MYO9A: variants seen among roughly 807,000 people sequenced by gnomAD.
MYO9A encodes myosin IXA, also known as unconventional myosin-IXa.
A neutral mutation model predicts 293.3 loss-of-function variants in MYO9A; 103 were observed. The observed-to-expected ratio is 0.35, with a 90% confidence interval of 0.30 to 0.41. MYO9A has a LOEUF of 0.41. Among genes scored for constraint, MYO9A ranks in the 10% least tolerant of loss-of-function variants. MYO9A has a pLI of 1.00. For synonymous variants in MYO9A, 1,001 were observed against 1,035.7 expected (o/e 0.97, Z 0.64); for missense variants, 2,685 against 3,033.0 (o/e 0.89, Z 2.69).
chr15:71,998,727 G>C (rs2929524), intron 9 of MYO9A, among the ~76,000 whole-genome samples: 139,886 of 151,510 alleles, frequency 0.92, 64,985 homozygotes, highest in Non-Finnish European at 0.97. Context: ...ATCCCTCCCC[G>C]CTTCCCCCAC....
At chr15:72,025,161 C>G (rs2077624422) in intron 4 of MYO9A, among the ~76,000 whole-genome samples, 1 of 151,934 alleles carries the variant, frequency 6.6e-6, no homozygotes, top group South Asian at 2.1e-4. Context: ...CAAGCAATAT[C>G]CAAAAGCAAG....
intron 18 of MYO9A, among the ~76,000 whole-genome samples, chr15:71,927,182 T>C (rs2058335190): frequency 6.6e-6 from 1 of 152,208 alleles, no homozygotes; most frequent in African/African-American, 2.4e-5. Context: ...AAAATGTCTT[T>C]TGGCTATTTT....
chr15:71,878,030 T>C lies in MYO9A; in HGVS notation c.5931+10A>G. 1 of 1,564,782 alleles carries C rather than the reference T, an allele frequency of 6.4e-7. No homozygotes were observed. The highest frequency in any genetic ancestry group is 8.6e-7 in the Non-Finnish European group (1 of 1,158,218). On this transcript the variant is annotated intron_variant, in intron 31 of 41. Coordinates refer to ENST00000356056, the MANE Select transcript of MYO9A (RefSeq NM_006901.4). Reference sequence around the variant, plus strand: ...AAATCCTTTAAGTAATCAAAATATATCACATTTACCTTTGTGGCTGTGCAA... The same window carrying C: ...AAATCCTTTAAGTAATCAAAATATACCACATTTACCTTTGTGGCTGTGCAA...
chr15:71,949,348 C>T (rs1480348991), intron 15 of MYO9A, among the ~76,000 whole-genome samples: 3 of 151,778 alleles, frequency 2.0e-5, no homozygotes, highest in African/African-American at 7.3e-5. Flanking sequence ...GGATTACAGG[C>T]GTGCACCACC....
chr15:72,008,489 G>GGTGT (rs111259580), intron 7 of MYO9A, among the ~76,000 whole-genome samples: 20 of 139,988 alleles, frequency 1.4e-4, no homozygotes, highest in Non-Finnish European at 2.3e-4. Context: ...GGGGTAAATG[G>GGTGT]GTGTGTGTGT....
intron 11 of MYO9A, 88 bp downstream of exon 11, chr15:71,991,015 T>C (rs2076530583): frequency 2.5e-6 from 3 of 1,202,312 alleles, no homozygotes; most frequent in Admixed American, 3.2e-5. Context: ...ATCAATAAAA[T>C]GTGTGAAAAA....
intron 26 of MYO9A, chr15:71,892,256 G>A (rs949975761): frequency 2.0e-5 from 3 of 152,182 alleles, no homozygotes; most frequent in African/African-American, 7.2e-5. Flanking sequence ...GTTATATTGT[G>A]TGATTAATAC....
intron 1 of MYO9A, among the ~76,000 whole-genome samples, chr15:72,076,888 A>G (rs1398620816): frequency 6.6e-6 from 1 of 152,232 alleles, no homozygotes; most frequent in Non-Finnish European, 1.5e-5. Context: ...AAACAGATCA[A>G]TGAAACAGAA....
At chr15:71,925,446 T>G (rs148270625) in intron 18 of MYO9A, among the ~76,000 whole-genome samples, 127 of 151,838 alleles carry the variant, frequency 8.4e-4, no homozygotes, top group African/African-American at 2.9e-3. Flanking sequence ...CGTATATACA[T>G]GTATATCTAT....
At chr15:72,087,253 T>C (rs754723120) in intron 1 of MYO9A, among the ~76,000 whole-genome samples, 3 of 152,108 alleles carry the variant, frequency 2.0e-5, no homozygotes, top group Non-Finnish European at 4.4e-5. Context: ...CCCTGCAGAG[T>C]TCAGGTCTGA....
intron 1 of MYO9A, among the ~76,000 whole-genome samples, chr15:72,066,838 T>C (rs2079037072): frequency 6.6e-6 from 1 of 151,016 alleles, no homozygotes; most frequent in Non-Finnish European, 1.5e-5. Context: ...GCACCATTGC[T>C]CTCCAGCCTG....
chr15:71,861,536 G>A (rs1392601840), intron 33 of MYO9A, among the ~76,000 whole-genome samples: 1 of 147,858 alleles, frequency 6.8e-6, no homozygotes, highest in Non-Finnish European at 1.5e-5. Context: ...AAGGATTACA[G>A]TAGAAAAAGT....
At chr15:72,093,388 T>C (rs1298725408) in intron 1 of MYO9A, among the ~76,000 whole-genome samples, 1 of 151,114 alleles carries the variant, frequency 6.6e-6, no homozygotes, top group Non-Finnish European at 1.5e-5. Context: ...AAATAAAAAA[T>C]AGCTGGGTGT....
chr15:71,836,375 C>T (rs1368838719), intron 39 of MYO9A, among the ~76,000 whole-genome samples: 1 of 152,016 alleles, frequency 6.6e-6, no homozygotes, highest in African/African-American at 2.4e-5. Flanking sequence ...AAAAGAAGTG[C>T]TGGAAGGAGG....
intron 1 of MYO9A, among the ~76,000 whole-genome samples, chr15:72,096,929 G>A (rs2080082821): frequency 6.6e-6 from 1 of 152,166 alleles, no homozygotes; most frequent in Non-Finnish European, 1.5e-5. Context: ...CTAAAGATAT[G>A]ACTGAACTGC....
intron 18 of MYO9A, among the ~76,000 whole-genome samples, chr15:71,925,975 T>C (rs1477738716): frequency 6.6e-6 from 1 of 152,184 alleles, no homozygotes; most frequent in African/African-American, 2.4e-5. Context: ...TATTGACCTG[T>C]GCCATTAGGT....
chr15:71,924,871 G>A (rs1391145155), intron 18 of MYO9A, among the ~76,000 whole-genome samples: 1 of 151,602 alleles, frequency 6.6e-6, no homozygotes, highest in African/African-American at 2.4e-5. Context: ...AGCAAGCCGA[G>A]ATCGTGTCAC....
In MYO9A at chr15:71,825,974, A is replaced by G. The variant is rs2054467457; in HGVS notation, c.*606T>C. ...GAGACACGCTCTGATGGCTTAATGGAAACAATCACGGTTTTTTTTTGTTTT... is the reference window on the plus strand; with the variant it reads ...GAGACACGCTCTGATGGCTTAATGGGAACAATCACGGTTTTTTTTTGTTTT... On this transcript the variant is annotated 3_prime_UTR_variant, in exon 42 of 42. Transcript: ENST00000356056. The G allele has an allele frequency of 6.6e-6, 1 of 150,854 alleles. No individual in the cohort carries two copies. Among genetic ancestry groups the G allele is most frequent in the Non-Finnish European group, 1.5e-5 (1 of 67,830 alleles). The allele number at this position is 150,854 out of a possible 1,614,324, so 9.3% of individuals were successfully genotyped here. A position where few individuals can be genotyped will look rare whatever the true frequency, so the allele number is the denominator to read the frequency against.
At chr15:71,841,893 G>A (rs2055178555) in intron 39 of MYO9A, among the ~76,000 whole-genome samples, 1 of 151,316 alleles carries the variant, frequency 6.6e-6, no homozygotes, top group South Asian at 2.1e-4. Flanking sequence ...GGATCCACAT[G>A]CCTTGGTCTC....
Sources: gnomAD v4.1 joint callset for allele counts (sites outside exome capture counted in the v4.1 genomes callset) on GRCh38, gnomAD v4.1.1 for gene constraint, MANE v1.5 for transcripts, NCBI Gene and HGNC (gene_info 2026-07-23, HGNC 2026-07-21) for gene names.